Variants in ITGB5 observed in about 807,000 individuals in gnomAD.
The protein encoded by ITGB5 is integrin subunit beta 5, also known as integrin beta-5.
ITGB5 carries 38 observed loss-of-function variants against 84.8 expected under a neutral mutation model. The ratio of observed to expected loss-of-function variants is 0.45; its 90% CI spans 0.35 to 0.59. The LOEUF (loss-of-function observed/expected upper bound fraction) is 0.59. ITGB5 is among the 20% of genes least tolerant of loss of function. The pLI is 0.01. For synonymous variants in ITGB5, 393 were observed against 414.4 expected (o/e 0.95, Z 0.63); for missense variants, 905 against 1,034.5 (o/e 0.87, Z 1.72).
intron 10 of ITGB5, among the ~76,000 whole-genome samples, 165 bp from the exon 11 acceptor site, chr3:124,774,077 G>A (rs905894377): frequency 3.3e-5 from 5 of 152,238 alleles, no homozygotes; most frequent in African/African-American, 1.2e-4. Context: ...GAGCCAGCAT[G>A]AAGGGACAGC....
At chr3:124,783,029 G>A (rs892834996) in intron 10 of ITGB5, among the ~76,000 whole-genome samples, 4 of 151,162 alleles carry the variant, frequency 2.6e-5, no homozygotes, top group African/African-American at 9.8e-5. Context: ...GGTGGCTCAC[G>A]CCTGTAATCC....
chr3:124,839,985 G>A (rs1163676391), intron 5 of ITGB5, among the ~76,000 whole-genome samples: 1 of 152,230 alleles, frequency 6.6e-6, no homozygotes, highest in Non-Finnish European at 1.5e-5. Flanking sequence ...AATGGCAGAT[G>A]GCTGTTGCTG....
chr3:124,797,084 A>AGGAAATGGGCCCCTGC (rs1321637209), intron 9 of ITGB5, among the ~76,000 whole-genome samples: 1 of 152,224 alleles, frequency 6.6e-6, no homozygotes, highest in Non-Finnish European at 1.5e-5. Context: ...CATGACCCTG[A>AGGAAATGGGCCCCTGC]GGAAATGGGC....
intron 2 of ITGB5, among the ~76,000 whole-genome samples, chr3:124,861,491 T>TAC (rs1168034132): frequency 9.2e-5 from 7 of 76,296 alleles, no homozygotes; most frequent in Admixed American, 2.5e-4. Flanking sequence ...CATATATATA[T>TAC]ATATACACAC....
chr3:124,844,640 G>A (rs1169890161), intron 4 of ITGB5, among the ~76,000 whole-genome samples: 1 of 152,210 alleles, frequency 6.6e-6, no homozygotes, highest in Non-Finnish European at 1.5e-5. Flanking sequence ...GGCCCTACAG[G>A]CTTGGAGCAG....
intron 5 of ITGB5, among the ~76,000 whole-genome samples, chr3:124,833,819 G>A (rs1183995887): frequency 3.3e-5 from 5 of 152,174 alleles, no homozygotes; most frequent in Non-Finnish European, 7.3e-5. Flanking sequence ...TAAGAAAAAA[G>A]ACATAGTCCC....
chr3:124,850,414 A>G (rs1445897174), intron 3 of ITGB5, among the ~76,000 whole-genome samples: 1 of 151,860 alleles, frequency 6.6e-6, no homozygotes, highest in Non-Finnish European at 1.5e-5. Flanking sequence ...TATGATCATT[A>G]CTGCTTGCAG....
intron 3 of ITGB5, among the ~76,000 whole-genome samples, chr3:124,849,090 A>G (rs911647565): frequency 6.6e-6 from 1 of 152,112 alleles, no homozygotes; most frequent in African/African-American, 2.4e-5. Context: ...TGGGCTTAGC[A>G]TTTCTAAGGA....
intron 8 of ITGB5, among the ~76,000 whole-genome samples, chr3:124,811,968 A>C (rs1431120540): frequency 6.6e-6 from 1 of 152,194 alleles, no homozygotes; most frequent in Non-Finnish European, 1.5e-5. Context: ...TCCACAGATA[A>C]GGTAAAAAAC....
intron 10 of ITGB5, among the ~76,000 whole-genome samples, chr3:124,787,169 G>A (rs535354782): frequency 1.3e-3 from 196 of 152,232 alleles, no homozygotes; most frequent in Non-Finnish European, 2.2e-3. Context: ...TCCTCGCCAC[G>A]GGGTTCTGTT....
intron 2 of ITGB5, among the ~76,000 whole-genome samples, chr3:124,867,551 G>A (rs1301179027): frequency 2.8e-4 from 43 of 152,184 alleles, no homozygotes; most frequent in Admixed American, 2.8e-3. Flanking sequence ...GTCCTCTTGC[G>A]AGTGACACGA....
chr3:124,777,523 T>C (rs1352246295), intron 10 of ITGB5, among the ~76,000 whole-genome samples: 1 of 152,250 alleles, frequency 6.6e-6, no homozygotes, highest in Non-Finnish European at 1.5e-5. Flanking sequence ...TGAGTTTACC[T>C]TGGGTAGTTC....
intron 1 of ITGB5, among the ~76,000 whole-genome samples, chr3:124,880,045 T>A (rs1934500575): frequency 6.6e-6 from 1 of 152,178 alleles, no homozygotes; most frequent in Non-Finnish European, 1.5e-5. Context: ...TCTTCCAAAA[T>A]CACCTAACTC....
intron 3 of ITGB5, among the ~76,000 whole-genome samples, chr3:124,858,677 A>G (rs987053351): frequency 6.6e-6 from 1 of 152,232 alleles, no homozygotes; most frequent in Admixed American, 6.5e-5. Flanking sequence ...TATGGTAGGT[A>G]TCTGGACTAG....
chr3:124,870,730 G>GAA (rs1005362306), intron 2 of ITGB5, among the ~76,000 whole-genome samples: 24 of 75,486 alleles, frequency 3.2e-4, no homozygotes, highest in African/African-American at 4.4e-4. Flanking sequence ...CATCTCAAAA[G>GAA]AAAAAAAAAA....
At chr3:124,900,793 A>G (rs764867346) in intron 1 of ITGB5, among the ~76,000 whole-genome samples, 3 of 152,218 alleles carry the variant, frequency 2.0e-5, no homozygotes, top group Admixed American at 6.5e-5. Flanking sequence ...GAATTTTTCA[A>G]TGAAAATGGA....
chr3:124,887,803 G>T (rs1467910044), upstream of ITGB5: 2 of 330,462 alleles, frequency 6.1e-6, no homozygotes, highest in African/African-American at 4.3e-5. Flanking sequence ...CACTGCCGGC[G>T]GCCTGAGATG....
chr3:124,796,714 C>A lies in ITGB5; in HGVS notation c.1367G>T (p.Gly456Val), dbSNP rs547613791. Residue 456 changes from glycine (G) to valine (V), a missense_variant, in exon 10 of 15, where the codon GGG becomes GTG. Transcript: ENST00000296181. Reference protein sequence around the residue: ...PVGFRDSLEVGVTYNCTCGCS... With the variant: ...PVGFRDSLEVVVTYNCTCGCS... ...GCCGCACGTGCAGTTGTAGGTGACC[C>A]CCACCTCCAGGCTGTCCCGGAATCC... The A allele has an allele frequency of 4.3e-6, 7 of 1,614,108 alleles. No individual in the cohort carries two copies. The East Asian group carries it at 1.6e-4, about 36-fold the overall frequency.
At chr3:124,774,777 T>G (rs1019351430) in intron 10 of ITGB5, among the ~76,000 whole-genome samples, 1 of 146,972 alleles carries the variant, frequency 6.8e-6, no homozygotes, top group Non-Finnish European at 1.5e-5. Context: ...TAGGAGCAGA[T>G]GCTGAGAACA....
Sources: allele counts gnomAD v4.1 joint callset (sites outside exome capture counted in the v4.1 genomes callset), GRCh38; gene constraint gnomAD v4.1.1; transcripts MANE v1.5; gene names NCBI Gene and HGNC (gene_info 2026-07-23, HGNC 2026-07-21).